The following BAZ2B variants were observed in gnomAD, a reference collection of about 807,000 sequenced individuals.
BAZ2B encodes bromodomain adjacent to zinc finger domain 2B.
A neutral mutation model predicts 246.0 loss-of-function variants in BAZ2B; 91 were observed. The ratio of observed to expected loss-of-function variants is 0.37; its 90% CI spans 0.31 to 0.44. The LOEUF is 0.44. BAZ2B is among the 20% of genes least tolerant of loss of function. The pLI is 1.00. For synonymous variants in BAZ2B, 855 were observed against 860.0 expected, an observed-to-expected ratio of 0.99 and a Z score of 0.10; for missense variants, 2,332 against 2,533.7, an observed-to-expected ratio of 0.92 and a Z score of 1.71.
chr2:159,708,462 G>C, the BAZ2B span, among the ~76,000 whole-genome samples: 1 of 152,124 alleles, frequency 6.6e-6, no homozygotes, highest in Non-Finnish European at 1.5e-5. Context: ...GAAGCAGTGA[G>C]ATCTAGCCTG....
intron 1 of BAZ2B, among the ~76,000 whole-genome samples, chr2:159,564,323 A>G (rs2090156911): frequency 6.6e-6 from 1 of 152,196 alleles, no homozygotes; most frequent in African/African-American, 2.4e-5. Context: ...CTGGAAAGCA[A>G]CAGTAAATAC....
At chr2:159,424,035 C>T (rs927684184) in intron 13 of BAZ2B, among the ~76,000 whole-genome samples, 1 of 152,082 alleles carries the variant, frequency 6.6e-6, no homozygotes, top group Non-Finnish European at 1.5e-5. Flanking sequence ...ATAAATAAAG[C>T]ACTGTGTCCC....
rs1447871323 is a variant in BAZ2B at position 159,555,985 on chromosome 2, C to G, written c.-45-120G>C. 3.9e-5 allele frequency: 6 copies of G among 152,222 alleles called. No homozygotes were observed. The East Asian group carries it at 7.7e-4, about 20-fold the overall frequency. The allele number at this position is 152,222 out of a possible 1,614,324, so 9.4% of individuals were successfully genotyped here. ...TGCTGTAAGTCATATTGAAATTAAC[C>G]TACGGTATCAGGGTCCATATAATCA... On this transcript the variant is annotated intron_variant, in intron 1 of 36. Transcript: ENST00000392783.
At chr2:159,539,583 T>C (rs2086409072) in intron 2 of BAZ2B, among the ~76,000 whole-genome samples, 1 of 152,042 alleles carries the variant, frequency 6.6e-6, no homozygotes, top group African/African-American at 2.4e-5. Flanking sequence ...ACCAAAAAAA[T>C]CTTCCAGGCT....
At chr2:159,619,915 C>T (rs547722957), upstream of BAZ2B, among the ~76,000 whole-genome samples, 88 of 152,266 alleles carry the variant, frequency 5.8e-4, no homozygotes, top group African/African-American at 2.0e-3. Context: ...AGATCATCAT[C>T]TGTATTAGTG....
At chr2:159,661,916 T>A in the BAZ2B span, among the ~76,000 whole-genome samples, 16 of 152,036 alleles carry the variant, frequency 1.1e-4, no homozygotes, top group Non-Finnish European at 2.2e-4. Context: ...TGGCCAACAA[T>A]CTTATCTAAT....
chr2:159,639,447 T>C, the BAZ2B span, among the ~76,000 whole-genome samples: 2 of 152,098 alleles, frequency 1.3e-5, no homozygotes, highest in Admixed American at 1.3e-4. Context: ...GAATAAATGA[T>C]AAAACAATCA....
Position 159,385,381 on chromosome 2 carries a change from T to A in BAZ2B, c.3472-12A>T. 6.2e-7 allele frequency: 1 copy of A among 1,608,210 alleles called. No individual in the cohort carries two copies. The highest frequency in any genetic ancestry group is 8.5e-7 in the Non-Finnish European group (1 of 1,176,646). ...AGAGCTGTTTTAGCCTATAAAAGTTTGGCATTTTTATCAGTATTACTCACA... is the reference window on the plus strand; with the variant it reads ...AGAGCTGTTTTAGCCTATAAAAGTTAGGCATTTTTATCAGTATTACTCACA... On this transcript the variant is annotated splice_polypyrimidine_tract_variant and intron_variant, in intron 22 of 36. Coordinates refer to ENST00000392783, the MANE Select transcript of BAZ2B (RefSeq NM_013450.4).
chr2:159,549,828 T>C (rs28666761), intron 2 of BAZ2B, among the ~76,000 whole-genome samples: 36 of 82,534 alleles, frequency 4.4e-4, no homozygotes, highest in South Asian at 9.0e-4. Context: ...TTCTTTCTTT[T>C]TTTTTTTTTT....
At chr2:159,546,640 T>A (rs1415312260) in intron 2 of BAZ2B, among the ~76,000 whole-genome samples, 1 of 151,728 alleles carries the variant, frequency 6.6e-6, no homozygotes, top group Non-Finnish European at 1.5e-5. Flanking sequence ...TAGACTAACA[T>A]AATTAAACAT....
chr2:159,667,430 T>C, the BAZ2B span, among the ~76,000 whole-genome samples: 1 of 151,794 alleles, frequency 6.6e-6, no homozygotes, highest in Non-Finnish European at 1.5e-5. Context: ...ATCTTGTCTC[T>C]ACTAAAAATG....
chr2:159,448,343 A>G lies in BAZ2B; in HGVS notation c.401T>C (p.Leu134Pro), dbSNP rs200554367. Residue 134 changes from leucine (L) to proline (P), a missense_variant, in exon 5 of 37, where the codon CTG (leucine) becomes CCG (proline). Physicochemically the swap from Leu to Pro is moderately conservative, Grantham distance 98. This residue lies in a region of BAZ2B where 242 missense variants were observed against 237.4 expected (regional missense o/e 1.02). Coordinates refer to ENST00000392783, the MANE Select transcript of BAZ2B (RefSeq NM_013450.4). ...RTGATFFPPL[L>P]GIPPLFAPPA... is the part of the protein sequence containing the mutation. ...GGGAGCAAATAGTGGTGGAATTCCC[A>G]GTAATGGTGGAAAGAAGGTTGCTCC... The G allele has an allele frequency of 1.2e-4, 191 of 1,613,494 alleles. No homozygotes were observed. Among genetic ancestry groups the G allele is most frequent in the Admixed American group, 3.2e-4 (19 of 59,816 alleles).
Position 159,390,689 on chromosome 2 carries a change from T to C in BAZ2B, c.3076-1204A>G, listed in dbSNP as rs557977125. Reference sequence around the variant, plus strand: ...GAGAAAGTACAGTGTGTTTGAAAAATTGCTAGCAGTTTCAAGACTGGAGTG... The same window carrying C: ...GAGAAAGTACAGTGTGTTTGAAAAACTGCTAGCAGTTTCAAGACTGGAGTG... On this transcript the variant is annotated intron_variant, in intron 20 of 36. Transcript: ENST00000392783. 7.2e-5 allele frequency among the ~76,000 whole-genome samples: 11 copies of C among 152,102 alleles called. No homozygotes were observed. The South Asian group carries it at 2.3e-3, about 32-fold the overall frequency.
intron 13 of BAZ2B, among the ~76,000 whole-genome samples, chr2:159,423,146 T>C (rs1477458592): frequency 6.6e-6 from 1 of 151,978 alleles, no homozygotes; most frequent in Non-Finnish European, 1.5e-5. Flanking sequence ...AAACCCTGTC[T>C]CTACTGAAAA....
intron 14 of BAZ2B, among the ~76,000 whole-genome samples, chr2:159,411,033 T>C (rs193297461): frequency 6.6e-6 from 1 of 152,216 alleles, no homozygotes; most frequent in African/African-American, 2.4e-5. Context: ...TTTTATTTAT[T>C]TCTTTAGAGA....
rs1214464123 is a variant in BAZ2B, at chr2:159,385,298, C to T, written c.3543G>A (p.Gln1181=). The change falls in exon 23 of 37, where the codon CAG becomes CAA. Residue 1181 remains glutamine (Q), a synonymous_variant. Transcript: ENST00000392783. ...VNRDNVSEIL[Q]IFMEAHCGQT... is the part of the protein sequence containing the mutation. Reference sequence around the variant, plus strand: ...GTCCACAGTGGGCTTCCATAAATATCTGTAAAATCTCGGAAACATTGTCTC... The same window carrying T: ...GTCCACAGTGGGCTTCCATAAATATTTGTAAAATCTCGGAAACATTGTCTC... 6.2e-7 allele frequency: 1 copy of T among 1,613,450 alleles called. No homozygotes were observed. Among genetic ancestry groups the T allele is most frequent in the Non-Finnish European group, 8.5e-7 (1 of 1,179,618 alleles).
chr2:159,388,032 T>C (rs1047223146), intron 21 of BAZ2B, among the ~76,000 whole-genome samples: 7 of 151,976 alleles, frequency 4.6e-5, no homozygotes, highest in Admixed American at 3.9e-4. Flanking sequence ...CTTACATAAT[T>C]GAGTTAATGG....
rs781006189 is a variant in BAZ2B at position 159,386,557 on chromosome 2, T to C, written c.3267A>G (p.Thr1089=). The C allele has an allele frequency of 3.1e-6, 5 of 1,613,440 alleles. No individual in the cohort carries two copies. The highest frequency in any genetic ancestry group is 2.2e-5 in the East Asian group (1 of 44,832). The change falls in exon 22 of 37, where the codon ACA becomes ACG. Residue 1089 remains threonine (T), a synonymous_variant. Coordinates refer to ENST00000392783, the MANE Select transcript of BAZ2B (RefSeq NM_013450.4). ...RIPGLVLSGS[T]FSDCLMVVQF... ...GCACCACCATGAGACAGTCTGAAAATGTACTTCCAGAGAGAACAAGTCCTG... is the reference window on the plus strand; with the variant it reads ...GCACCACCATGAGACAGTCTGAAAACGTACTTCCAGAGAGAACAAGTCCTG...
chr2:159,351,223 C>T (rs941396099), intron 27 of BAZ2B, among the ~76,000 whole-genome samples: 2 of 152,030 alleles, frequency 1.3e-5, no homozygotes, highest in South Asian at 4.1e-4. Context: ...AGAAATTCTA[C>T]TACATACATA....
Sources: allele counts gnomAD v4.1 joint callset (sites outside exome capture counted in the v4.1 genomes callset), GRCh38; gene constraint gnomAD v4.1.1; regional missense constraint gnomAD v4.1.1; transcripts MANE v1.5; gene names NCBI Gene and HGNC (gene_info 2026-07-23, HGNC 2026-07-21).